Variants in RBFOX1 observed in about 807,000 individuals in gnomAD.
RBFOX1 encodes RNA binding fox-1 homolog 1.
In RBFOX1, 8 loss-of-function variants were observed where a neutral mutation model predicts 57.7. That is an observed-to-expected ratio of 0.14 (90% confidence interval 0.08 to 0.25). RBFOX1 has a LOEUF of 0.25. Ranked by LOEUF, RBFOX1 falls within the 10% of genes least tolerant of loss-of-function variation. The probability of loss-of-function intolerance (pLI) is 1.00; values close to 1 mark genes in which losing one functional copy is unlikely to be tolerated. For missense variants in RBFOX1, 611 were observed against 548.5 expected, an observed-to-expected ratio of 1.11 and a Z score of -1.14; for synonymous variants, 326 against 222.4, an observed-to-expected ratio of 1.47 and a Z score of -4.15.
chr16:6,953,267 A>G (rs2081127016), intron 3 of RBFOX1, among the ~76,000 whole-genome samples: 2 of 152,198 alleles, frequency 1.3e-5, no homozygotes, highest in South Asian at 4.1e-4. Flanking sequence ...TTAAGTTCAA[A>G]CATATACACC....
intron 3 of RBFOX1, among the ~76,000 whole-genome samples, chr16:5,852,844 A>C (rs995730485): frequency 1.8e-4 from 28 of 151,988 alleles, no homozygotes; most frequent in African/African-American, 6.5e-4. Flanking sequence ...GGGAAAAAAA[A>C]GGATTTGGGA....
chr16:7,020,333 C>G (rs960359216), intron 3 of RBFOX1, among the ~76,000 whole-genome samples: 2 of 152,044 alleles, frequency 1.3e-5, no homozygotes, highest in African/African-American at 2.4e-5. Flanking sequence ...TCAAGTGATT[C>G]TCCTGCCTCA....
At chr16:6,226,567 G>C (rs899206181) in intron 1 of RBFOX1, among the ~76,000 whole-genome samples, 2 of 151,912 alleles carry the variant, frequency 1.3e-5, no homozygotes, top group African/African-American at 4.8e-5. Context: ...TGTATGAATT[G>C]GTTTTTGATA....
In RBFOX1 at chr16:7,105,424, A is replaced by C. The variant is rs866125863; in HGVS notation, c.27+53326A>C. 5.3e-5 allele frequency among the ~76,000 whole-genome samples: 8 copies of C among 151,958 alleles called. No homozygotes were observed. In the South Asian group the frequency reaches 1.0e-3, roughly 20 times the overall value. ...TGATTTGTGAGATTTTGGTACACCC[A>C]TCACTCAAGCAGTATACACTGCACC... On this transcript the variant is annotated intron_variant, in intron 4 of 15. Transcript: ENST00000550418.
chr16:5,279,458 C>T (rs8046963), intron 1 of RBFOX1, among the ~76,000 whole-genome samples: 32,018 of 151,642 alleles, frequency 0.21, 4,192 homozygotes, highest in African/African-American at 0.38. Context: ...ATTTTGTGTC[C>T]TGAAGCTTTA....
At chr16:5,824,680 C>G (rs192572091) in intron 3 of RBFOX1, among the ~76,000 whole-genome samples, 1 of 152,344 alleles carries the variant, frequency 6.6e-6, no homozygotes, top group Admixed American at 6.5e-5. Flanking sequence ...AATTAGGCAT[C>G]TTGCCTTTGC....
chr16:6,658,707 T>C (rs550144716), intron 3 of RBFOX1, among the ~76,000 whole-genome samples: 22 of 152,288 alleles, frequency 1.4e-4, no homozygotes, highest in South Asian at 6.2e-4. Context: ...TGGCTGTTTA[T>C]GGGGAAATTC....
At chr16:5,939,355 T>G (rs2059235468) in intron 4 of RBFOX1, among the ~76,000 whole-genome samples, 1 of 152,242 alleles carries the variant, frequency 6.6e-6, no homozygotes, top group Non-Finnish European at 1.5e-5. Context: ...TGGGAGCTGT[T>G]TAGAGAGGGC....
chr16:5,282,710 G>A (rs1299695180), intron 1 of RBFOX1, among the ~76,000 whole-genome samples: 2 of 152,194 alleles, frequency 1.3e-5, no homozygotes, highest in South Asian at 4.1e-4. Context: ...AAGCAGCAAA[G>A]CATTCAACAC....
intron 1 of RBFOX1, among the ~76,000 whole-genome samples, chr16:6,308,621 C>G (rs1481704770): frequency 1.3e-5 from 2 of 152,140 alleles, no homozygotes; most frequent in Non-Finnish European, 2.9e-5. Flanking sequence ...AAAGAAGCCC[C>G]TTGGAGCTAG....
intron 3 of RBFOX1, among the ~76,000 whole-genome samples, chr16:6,822,807 G>C (rs1272987391): frequency 6.6e-6 from 1 of 152,194 alleles, no homozygotes; most frequent in Non-Finnish European, 1.5e-5. Flanking sequence ...CTCCAACCAG[G>C]TTAAGCCTTT....
At chr16:6,071,848 T>C (rs1342724123) in intron 1 of RBFOX1, among the ~76,000 whole-genome samples, 1 of 152,244 alleles carries the variant, frequency 6.6e-6, no homozygotes, top group Admixed American at 6.5e-5. Context: ...TTTATCCTTC[T>C]GTGACTGGCT....
At chr16:7,240,350 T>C (rs2093993728) in intron 4 of RBFOX1, among the ~76,000 whole-genome samples, 1 of 152,206 alleles carries the variant, frequency 6.6e-6, no homozygotes, top group Non-Finnish European at 1.5e-5. Flanking sequence ...TTTACATATA[T>C]TAATGATCTT....
intron 4 of RBFOX1, among the ~76,000 whole-genome samples, chr16:7,056,032 T>C (rs1416614424): frequency 6.6e-6 from 1 of 152,152 alleles, no homozygotes; most frequent in African/African-American, 2.4e-5. Context: ...ATTGTCTTTG[T>C]ATTTTGCCTT....
chr16:7,061,635 A>G (rs182709960), intron 4 of RBFOX1, among the ~76,000 whole-genome samples: 2 of 152,320 alleles, frequency 1.3e-5, no homozygotes, highest in East Asian at 3.9e-4. Flanking sequence ...CCTTGCTTTA[A>G]TTTAGCCTAT....
chr16:6,865,795 A>G (rs956528241), intron 3 of RBFOX1, among the ~76,000 whole-genome samples: 5 of 152,188 alleles, frequency 3.3e-5, no homozygotes, highest in Non-Finnish European at 5.9e-5. Flanking sequence ...AAGCAGTATT[A>G]GATAACAGTT....
At chr16:6,812,230 C>T (rs2088845046) in intron 3 of RBFOX1, among the ~76,000 whole-genome samples, 2 of 152,186 alleles carry the variant, frequency 1.3e-5, no homozygotes, top group Admixed American at 6.5e-5. Context: ...TTAAGCTCCT[C>T]ACATTTCCTG....
Position 6,524,557 on chromosome 16 carries a change from C to T in RBFOX1, c.-63-130046C>T, listed in dbSNP as rs1462127212. The stretch of plus-strand genomic sequence containing the variant: ...GGTAAGGGTACCACAAGGTTGTGGG[C>T]ACAGTTTTTGAGTTTGTTTTGTGTT... On this transcript the variant is annotated intron_variant, in intron 2 of 15. Coordinates refer to ENST00000550418, the MANE Select transcript of RBFOX1 (RefSeq NM_018723.4). 5.3e-5 allele frequency among the ~76,000 whole-genome samples: 8 copies of T among 152,146 alleles called. No homozygotes were observed. The South Asian group carries it at 1.0e-3, about 20-fold the overall frequency.
At chr16:7,142,483 AGAT>A (rs1342175718) in intron 4 of RBFOX1, among the ~76,000 whole-genome samples, 1 of 152,214 alleles carries the variant, frequency 6.6e-6, no homozygotes, top group East Asian at 1.9e-4. Flanking sequence ...GAACAATTTA[AGAT>A]TGTGTCCTAC....
Sources: gnomAD v4.1 joint callset for allele counts (sites outside exome capture counted in the v4.1 genomes callset) on GRCh38, gnomAD v4.1.1 for gene constraint, MANE v1.5 for transcripts, NCBI Gene and HGNC (gene_info 2026-07-23, HGNC 2026-07-21) for gene names.